Variants in ADGRL3 observed in about 807,000 individuals in gnomAD.
ADGRL3 encodes calcium-independent alpha-latrotoxin receptor 3.
In ADGRL3, 62 loss-of-function variants were observed where a neutral mutation model predicts 153.5. That is an observed-to-expected ratio of 0.40 (90% CI 0.33 to 0.50). ADGRL3 has a LOEUF of 0.50. ADGRL3 is among the 20% of genes least tolerant of loss of function. The pLI, the probability that ADGRL3 is intolerant of heterozygous loss-of-function variation, is 0.47. For missense variants in ADGRL3, 1,641 were observed against 1,859.4 expected (o/e 0.88, Z 2.16); for synonymous variants, 710 against 672.5 (o/e 1.06, Z -0.86).
At chr4:61,644,321 C>A (rs2093848859) in intron 5 of ADGRL3, among the ~76,000 whole-genome samples, 1 of 148,054 alleles carries the variant, frequency 6.8e-6, no homozygotes, top group African/African-American at 2.5e-5. Context: ...TTATTTCTTG[C>A]CTCCTGCTAG....
intron 1 of ADGRL3, among the ~76,000 whole-genome samples, chr4:61,228,470 T>C (rs1577915273): frequency 6.6e-6 from 1 of 152,196 alleles, no homozygotes; most frequent in Non-Finnish European, 1.5e-5. Context: ...ATGAAAGTTA[T>C]AGAACTCATC....
At chr4:61,992,306 C>T (rs2150988858) in intron 19 of ADGRL3, among the ~76,000 whole-genome samples, 1 of 152,218 alleles carries the variant, frequency 6.6e-6, no homozygotes, top group East Asian at 1.9e-4. Flanking sequence ...ATCTAAATGT[C>T]ATTGAATGGT....
intron 9 of ADGRL3, among the ~76,000 whole-genome samples, chr4:61,837,553 A>C (rs2097954882): frequency 6.6e-6 from 1 of 152,122 alleles, no homozygotes; most frequent in Admixed American, 6.6e-5. Context: ...TTAGGGCATT[A>C]AAATTTTCCA....
In ADGRL3 at chr4:61,979,756, A is replaced by G. The variant is rs780334868; in HGVS notation, c.2999A>G (p.Asn1000Ser). ...GAGCTGCTCTTCCTGATTGGGATCAACCGAACTGACCAACCAGTAAGCAAC... is the reference window on the plus strand; with the variant it reads ...GAGCTGCTCTTCCTGATTGGGATCAGCCGAACTGACCAACCAGTAAGCAAC... ...VAELLFLIGI[N>S]RTDQPIACAV... The change falls in exon 18 of 27, where the codon AAC (asparagine) becomes AGC (serine). Residue 1000 changes from asparagine to serine, a missense_variant. Asn to Ser is a conservative substitution (Grantham distance 46). Around this residue, in one of 5 missense-constraint regions of ADGRL3, gnomAD observed 734 missense variants for 797.0 expected, o/e 0.92. Coordinates refer to ENST00000683033, the MANE Select transcript of ADGRL3 (RefSeq NM_001387552.1). 5 of 1,613,830 alleles carry G rather than the reference A, an allele frequency of 3.1e-6. No homozygotes were observed. The highest frequency in any genetic ancestry group is 2.2e-5 in the South Asian group (2 of 91,084).
chr4:61,959,061 T>A (rs2150452919), intron 17 of ADGRL3, among the ~76,000 whole-genome samples: 1 of 152,312 alleles, frequency 6.6e-6, no homozygotes, highest in East Asian at 1.9e-4. Flanking sequence ...TTATAGTGTT[T>A]ATGATATTTT....
Position 61,813,817 on chromosome 4 carries a change from C to A in ADGRL3, c.1408C>A (p.His470Asn). 6.3e-7 allele frequency: 1 copy of A among 1,580,396 alleles called. No homozygotes were observed. Among genetic ancestry groups the A allele is most frequent in the Non-Finnish European group, 8.7e-7 (1 of 1,149,524 alleles). ...TTGTTTTGGGTCCACAGGGCAGGCA[C>A]ATCATGGACAAGTTTCATACATTTC... ...GPLDSRSGQA[H>N]HGQVSYISPP... The change falls in exon 9 of 27, where the codon CAT (histidine) becomes AAT (asparagine). Residue 470 changes from histidine to asparagine, a missense_variant. Physicochemically the swap from His to Asn is moderately conservative, Grantham distance 68 (BLOSUM62 1). This residue lies in a region of ADGRL3 where 734 missense variants were observed against 797.0 expected (regional missense o/e 0.92). Transcript: ENST00000683033.
chr4:61,368,127 C>A (rs1286183321), intron 1 of ADGRL3, among the ~76,000 whole-genome samples: 1 of 151,368 alleles, frequency 6.6e-6, no homozygotes, highest in African/African-American at 2.4e-5. Flanking sequence ...ATTGTAGATT[C>A]TGGATATTAC....
chr4:61,253,851 A>T lies in ADGRL3; in HGVS notation c.-240+52086A>T, dbSNP rs2091709590. Among the ~76,000 whole-genome samples the T allele has an allele frequency of 1.3e-5, 2 of 152,176 alleles. 1 individual carries two copies. The highest frequency in any genetic ancestry group is 1.3e-4 in the Admixed American group (2 of 15,266). On this transcript the variant is annotated intron_variant, in intron 1 of 26. Coordinates refer to ENST00000683033, the MANE Select transcript of ADGRL3 (RefSeq NM_001387552.1). The stretch of plus-strand genomic sequence containing the variant: ...CAAAGGCTTTGAAATTTTGCATATA[A>T]GTTAGTAAATTGTTATCTCTGTGAG...
At chr4:61,301,042 C>T (rs951923209) in intron 1 of ADGRL3, among the ~76,000 whole-genome samples, 1 of 152,084 alleles carries the variant, frequency 6.6e-6, no homozygotes, top group East Asian at 1.9e-4. Flanking sequence ...GAATTACAGG[C>T]GTGAGCCACT....
chr4:61,836,073 A>G (rs761127198), intron 9 of ADGRL3, among the ~76,000 whole-genome samples: 6 of 152,324 alleles, frequency 3.9e-5, no homozygotes, highest in Non-Finnish European at 7.4e-5. Context: ...GATTTTATCC[A>G]GTATTGCTTT....
intron 1 of ADGRL3, among the ~76,000 whole-genome samples, chr4:61,352,965 G>T (rs1034715891): frequency 3.9e-5 from 6 of 152,104 alleles, no homozygotes; most frequent in African/African-American, 1.4e-4. Flanking sequence ...CAAACTTGCA[G>T]GTCAGTATGA....
chr4:61,388,268 C>T (rs1205721934), intron 2 of ADGRL3, among the ~76,000 whole-genome samples: 2 of 152,148 alleles, frequency 1.3e-5, no homozygotes, highest in Admixed American at 6.5e-5. Context: ...ATCTACCATA[C>T]AGCATTTAGA....
At chr4:61,726,885 C>A (rs1224022040) in intron 6 of ADGRL3, among the ~76,000 whole-genome samples, 2 of 151,746 alleles carry the variant, frequency 1.3e-5, no homozygotes, top group Non-Finnish European at 2.9e-5. Flanking sequence ...AAAATGTGTT[C>A]TATGATTTTT....
At chr4:61,255,602 C>CATTT (rs1397812696) in intron 1 of ADGRL3, among the ~76,000 whole-genome samples, 1 of 152,090 alleles carries the variant, frequency 6.6e-6, no homozygotes, top group Admixed American at 6.6e-5. Context: ...CTATTAAATG[C>CATTT]ATTTATATTT....
intron 24 of ADGRL3, among the ~76,000 whole-genome samples, chr4:62,044,224 TTA>T: frequency 6.6e-6 from 1 of 152,182 alleles, no homozygotes; most frequent in East Asian, 1.9e-4. Context: ...ATGGTTATAA[TTA>T]TCTTTGGTAT....
intron 6 of ADGRL3, among the ~76,000 whole-genome samples, chr4:61,701,373 A>G (rs2095755185): frequency 1.3e-5 from 2 of 152,182 alleles, no homozygotes; most frequent in South Asian, 2.1e-4. Flanking sequence ...ATGGTTACAT[A>G]ATCAAGTAAG....
chr4:61,403,729 G>T (rs960537266), intron 2 of ADGRL3, among the ~76,000 whole-genome samples: 1 of 152,028 alleles, frequency 6.6e-6, no homozygotes, highest in Non-Finnish European at 1.5e-5. Flanking sequence ...GGTGTTTGAA[G>T]TTGGGGGACA....
At chr4:61,247,897 G>A (rs181612787) in intron 1 of ADGRL3, among the ~76,000 whole-genome samples, 7 of 152,052 alleles carry the variant, frequency 4.6e-5, no homozygotes, top group Non-Finnish European at 8.8e-5. Context: ...GTTATCCTGT[G>A]ATATGTTTCC....
At chr4:61,853,102 C>T (rs973272476) in intron 9 of ADGRL3, among the ~76,000 whole-genome samples, 9 of 152,054 alleles carry the variant, frequency 5.9e-5, no homozygotes, top group African/African-American at 2.2e-4. Flanking sequence ...GCTGCAACCA[C>T]CCGCTCCTCT....
Sources: allele counts gnomAD v4.1 joint callset (sites outside exome capture counted in the v4.1 genomes callset), GRCh38; gene constraint gnomAD v4.1.1; regional missense constraint gnomAD v4.1.1; transcripts MANE v1.5; gene names NCBI Gene and HGNC (gene_info 2026-07-23, HGNC 2026-07-21).